Variants in SYNE1 observed in about 807,000 individuals in gnomAD.
SYNE1 encodes spectrin repeat containing nuclear envelope protein 1, also known as nesprin-1.
In SYNE1, 616 loss-of-function variants were observed where a neutral mutation model predicts 1,111.0. The observed-to-expected ratio is 0.55, with a 90% confidence interval of 0.52 to 0.59. SYNE1 has a LOEUF of 0.59. Ranked by LOEUF, SYNE1 falls within the 20% of genes least tolerant of loss-of-function variation. The pLI is 0.00. For missense variants in SYNE1, 10,006 were observed against 10,417.0 expected (o/e 0.96, Z 1.72); for synonymous variants, 3,855 against 3,825.8 (o/e 1.01, Z -0.28).
chr6:152,458,686 C>T (rs1434294412), intron 22 of SYNE1, 71 bp downstream of exon 22: 1 of 1,526,324 alleles, frequency 6.6e-7, no homozygotes, highest in Non-Finnish European at 9.1e-7. Context: ...AATTTCTATT[C>T]CTGTAAGCAA....
intron 76 of SYNE1, 40 bp from the exon 77 acceptor site, chr6:152,334,313 G>A: frequency 6.2e-7 from 1 of 1,606,906 alleles, no homozygotes; most frequent in East Asian, 2.2e-5. Flanking sequence ...AATGTGTTAA[G>A]AAATGCCCAA....
chr6:152,333,612 A>G (rs1327257390), intron 77 of SYNE1, among the ~76,000 whole-genome samples: 1 of 152,078 alleles, frequency 6.6e-6, no homozygotes, highest in Non-Finnish European at 1.5e-5. Context: ...AATAATAAAC[A>G]ATAGATGTTA....
chr6:152,373,327 TG>T, intron 58 of SYNE1, 108 bp from the exon 59 acceptor site: 1 of 1,030,414 alleles, frequency 9.7e-7, no homozygotes, highest in Non-Finnish European at 1.4e-6. Flanking sequence ...TCACTCAGGC[TG>T]GAGTGCAGTA....
At chr6:152,154,820 C>T in intron 133 of SYNE1, 72 bp downstream of exon 133, 1 of 1,565,994 alleles carries the variant, frequency 6.4e-7, no homozygotes. Flanking sequence ...TAGTTTAGGT[C>T]TTGGAACTCC....
intron 117 of SYNE1, among the ~76,000 whole-genome samples, chr6:152,221,998 C>T (rs192188208): frequency 1.4e-3 from 207 of 152,272 alleles, no homozygotes; most frequent in African/African-American, 4.7e-3. Flanking sequence ...CTTGCCCAGA[C>T]ATGTCCAAAC....
At chr6:152,354,281 A>G (rs1293559612) in intron 67 of SYNE1, among the ~76,000 whole-genome samples, 1 of 152,262 alleles carries the variant, frequency 6.6e-6, no homozygotes, top group Non-Finnish European at 1.5e-5. Flanking sequence ...AGATGTGTGC[A>G]CTAAAATTGC....
chr6:152,227,203 C>G (rs188654152), intron 115 of SYNE1, among the ~76,000 whole-genome samples: 143 of 152,148 alleles, frequency 9.4e-4, no homozygotes, highest in African/African-American at 3.3e-3. Context: ...CTCTCTACCT[C>G]ATTTTTAAAA....
chr6:152,455,227 A>G (rs1051000814), intron 24 of SYNE1, among the ~76,000 whole-genome samples, 199 bp downstream of exon 24: 6 of 152,226 alleles, frequency 3.9e-5, no homozygotes, highest in Non-Finnish European at 8.8e-5. Context: ...GGAATGGCCA[A>G]TGACAAGTCA....
chr6:152,343,395 G>A (rs2096572585), intron 74 of SYNE1, among the ~76,000 whole-genome samples: 2 of 151,030 alleles, frequency 1.3e-5, no homozygotes, highest in Admixed American at 1.3e-4. Context: ...TTGAAACTGT[G>A]TGGTCGGCCC....
chr6:152,202,061 T>C, intron 126 of SYNE1, 112 bp from the exon 127 acceptor site: 1 of 1,401,394 alleles, frequency 7.1e-7, no homozygotes, highest in African/African-American at 1.4e-5. Context: ...AAAGTTACAC[T>C]GATGGCTGAG....
chr6:152,598,984 C>T (rs1406656933), intron 3 of SYNE1, among the ~76,000 whole-genome samples: 2 of 152,140 alleles, frequency 1.3e-5, no homozygotes, highest in Non-Finnish European at 2.9e-5. Flanking sequence ...GATCAGAGGC[C>T]TCTTCTGAGT....
At position 152,472,183 on chromosome 6, in the gene SYNE1, A is replaced by G. The variant is rs41292878; in HGVS notation, c.1463+118T>C. 1,910 of 838,352 alleles carry G rather than the reference A, an allele frequency of 2.3e-3. 7 individuals are homozygous for G. Among genetic ancestry groups the G allele is most frequent in the Admixed American group, 3.1e-3 (124 of 39,452 alleles). 51.9% of individuals were successfully genotyped at this position (838,352 alleles called of 1,614,324 possible). A position where few individuals can be genotyped will look rare whatever the true frequency, so the allele number is the denominator to read the frequency against. On this transcript the variant is annotated intron_variant, in intron 15 of 145. Transcript: ENST00000367255. ...CATGTCTTATGGGAGCCCGCTTTCT[A>G]TTTACCAAAGGTAGGCGCCTCTGTT... is the stretch of plus-strand genomic sequence containing the variant.
intron 128 of SYNE1, among the ~76,000 whole-genome samples, chr6:152,186,100 G>A (rs117720659): frequency 0.012 from 1,767 of 152,200 alleles, 22 homozygotes; most frequent in Non-Finnish European, 0.017. Flanking sequence ...TCATATTCTT[G>A]GAATGAGGTC....
rs1422383568 is a variant in SYNE1, at chr6:152,469,195, T to A, written c.1632+2402A>T. 3.3e-5 allele frequency among the ~76,000 whole-genome samples: 5 copies of A among 152,280 alleles called. No homozygotes were observed. The East Asian group carries it at 9.6e-4, about 29-fold the overall frequency. On this transcript the variant is annotated intron_variant, in intron 16 of 145. Coordinates refer to ENST00000367255, the MANE Select transcript of SYNE1 (RefSeq NM_182961.4). ...TTTTCAGCCTCTTTGAAATAGCCTG[T>A]TCTATAATGAATGATTTTCCATAAC...
chr6:152,367,100 G>A (rs1384148827), intron 62 of SYNE1, 118 bp downstream of exon 62: 1 of 1,291,398 alleles, frequency 7.7e-7, no homozygotes, highest in East Asian at 2.3e-5. Flanking sequence ...CACTCACAAA[G>A]CATCTGAGAT....
At chr6:152,310,354 A>G (rs1396989078) in intron 89 of SYNE1, 42 bp downstream of exon 89, 5 of 1,612,900 alleles carry the variant, frequency 3.1e-6, no homozygotes, top group African/African-American at 2.7e-5. Context: ...TTTTAAAAAT[A>G]TAGGTCCCTG....
Position 152,269,145 on chromosome 6 carries a change from A to T in SYNE1, c.18705+10T>A. ...ATCTGCAAGCTAGAGAGAGGTAGGA[A>T]ACACTTTACTTTTTGTTGCTGGAGA... On this transcript the variant is annotated intron_variant, in intron 99 of 145. Coordinates refer to ENST00000367255, the MANE Select transcript of SYNE1 (RefSeq NM_182961.4). 6.2e-7 allele frequency: 1 copy of T among 1,614,066 alleles called. No individual in the cohort carries two copies. The highest frequency in any genetic ancestry group is 2.2e-5 in the East Asian group (1 of 44,888).
At chr6:152,317,521 C>T (rs774361888) in intron 86 of SYNE1, among the ~76,000 whole-genome samples, 1 of 152,126 alleles carries the variant, frequency 6.6e-6, no homozygotes, top group Non-Finnish European at 1.5e-5. Flanking sequence ...AGGCCTTCCT[C>T]TATCCCTTCC....
At chr6:152,307,434 A>T (rs891204284) in intron 91 of SYNE1, among the ~76,000 whole-genome samples, 8 of 152,196 alleles carry the variant, frequency 5.3e-5, no homozygotes, top group African/African-American at 1.9e-4. Context: ...AATAGAGCAT[A>T]TGGAAGGATA....
Sources: gnomAD v4.1 joint callset for allele counts (sites outside exome capture counted in the v4.1 genomes callset) on GRCh38, gnomAD v4.1.1 for gene constraint, MANE v1.5 for transcripts, NCBI Gene and HGNC (gene_info 2026-07-23, HGNC 2026-07-21) for gene names.